SSH2: variants seen among roughly 807,000 people sequenced by gnomAD.
SSH2 encodes slingshot protein phosphatase 2, also known as protein phosphatase Slingshot homolog 2.
A neutral mutation model predicts 135.2 loss-of-function variants in SSH2; 37 were observed. That is an observed-to-expected ratio of 0.27 (90% CI 0.21 to 0.36). The LOEUF is 0.36. SSH2 is among the 10% of genes least tolerant of loss of function. The pLI is 1.00. For missense variants in SSH2, 1,408 were observed against 1,765.3 expected (o/e 0.80, Z 3.63); for synonymous variants, 628 against 646.2 (o/e 0.97, Z 0.43).
rs906497232 is a variant in SSH2 at position 29,801,676 on chromosome 17, A to T, written c.145-7739T>A. Among the ~76,000 whole-genome samples, 6 of 152,192 alleles carry T rather than the reference A, an allele frequency of 3.9e-5. No homozygotes were observed. In the South Asian group the frequency reaches 1.2e-3, roughly 31 times the overall value. ...CAACTGGGTACTTGTTTTATCTCCC[A>T]TCATCAGATTGTAATCTCCTTAAGG... On this transcript the variant is annotated intron_variant, in intron 2 of 15. Transcript: ENST00000540801.
At chr17:29,863,444 G>A (rs1205394304) in intron 1 of SSH2, 1 of 152,212 alleles carries the variant, frequency 6.6e-6, no homozygotes, top group Non-Finnish European at 1.5e-5. Flanking sequence ...GGACAAGTCT[G>A]CTGTGGCTTG....
At chr17:29,702,171 G>T (rs1357746864) in intron 4 of SSH2, among the ~76,000 whole-genome samples, 1 of 151,964 alleles carries the variant, frequency 6.6e-6, no homozygotes, top group Non-Finnish European at 1.5e-5. Flanking sequence ...TAGCCAACAT[G>T]GTGAAACACC....
chr17:29,781,791 T>TA (rs1358362913), intron 3 of SSH2, among the ~76,000 whole-genome samples: 1 of 151,580 alleles, frequency 6.6e-6, no homozygotes, highest in African/African-American at 2.4e-5. Context: ...TAACTTTTTT[T>TA]CTTTTCTCTT....
At chr17:29,756,094 C>T (rs2041108965) in intron 3 of SSH2, among the ~76,000 whole-genome samples, 1 of 150,946 alleles carries the variant, frequency 6.6e-6, no homozygotes, top group Non-Finnish European at 1.5e-5. Context: ...GGGGAAACCC[C>T]GTCTCTACTA....
chr17:29,854,218 G>A (rs1372152737), intron 1 of SSH2, among the ~76,000 whole-genome samples: 2 of 151,874 alleles, frequency 1.3e-5, no homozygotes, highest in Non-Finnish European at 2.9e-5. Flanking sequence ...AGCTCACAAT[G>A]AGTCATTCAT....
chr17:29,750,963 A>G (rs2040920071), intron 3 of SSH2, among the ~76,000 whole-genome samples: 1 of 152,154 alleles, frequency 6.6e-6, no homozygotes, highest in African/African-American at 2.4e-5. Context: ...CATCAAGATC[A>G]TTGTTTTCCA....
intron 2 of SSH2, among the ~76,000 whole-genome samples, chr17:29,815,543 G>A (rs573028131): frequency 1.3e-5 from 2 of 152,324 alleles, no homozygotes; most frequent in Middle Eastern, 3.4e-3. Context: ...TTACAGGCAT[G>A]AGCCACTGTG....
At chr17:29,841,025 T>G (rs551238976) in intron 2 of SSH2, among the ~76,000 whole-genome samples, 2 of 152,270 alleles carry the variant, frequency 1.3e-5, no homozygotes, top group Non-Finnish European at 2.9e-5. Context: ...CATAGCCTGA[T>G]AGCCACATCA....
chr17:29,913,380 A>ATATC, intron 1 of SSH2, among the ~76,000 whole-genome samples: 1 of 100,810 alleles, frequency 9.9e-6, no homozygotes, highest in Non-Finnish European at 2.0e-5. Flanking sequence ...ATATATATAT[A>ATATC]TATCCAATTT....
chr17:29,761,045 C>G (rs1321991239), intron 3 of SSH2: 1 of 1,173,508 alleles, frequency 8.5e-7, no homozygotes, highest in Non-Finnish European at 1.1e-6. Context: ...GATGCGCGCT[C>G]GCCCTCGCTT....
At position 29,907,034 on chromosome 17, in the gene SSH2, T is replaced by C. The variant is rs542465237; in HGVS notation, c.63+22904A>G. ...TGGTATATACCCAGAGGAATATAAGTCATTCTGTTATAAAGATACATGCAC... is the reference window on the plus strand; with the variant it reads ...TGGTATATACCCAGAGGAATATAAGCCATTCTGTTATAAAGATACATGCAC... On this transcript the variant is annotated intron_variant, in intron 1 of 15. Transcript: ENST00000540801. Among the ~76,000 whole-genome samples the C allele has an allele frequency of 4.6e-5, 7 of 152,284 alleles. No homozygotes were observed. In the East Asian group the frequency reaches 1.4e-3, roughly 29 times the overall value.
At chr17:29,889,542 A>G (rs1011681150) in intron 1 of SSH2, among the ~76,000 whole-genome samples, 1 of 152,126 alleles carries the variant, frequency 6.6e-6, no homozygotes, top group African/African-American at 2.4e-5. Flanking sequence ...CTATGACACC[A>G]AAAGCATGAA....
chr17:29,686,713 G>T (rs568799267), intron 5 of SSH2, among the ~76,000 whole-genome samples: 10 of 151,880 alleles, frequency 6.6e-5, no homozygotes, highest in African/African-American at 2.4e-4. Flanking sequence ...CTGTCACCCA[G>T]GCTGGAGTGC....
At chr17:29,716,644 G>A in intron 3 of SSH2, 2 of 662,468 alleles carry the variant, frequency 3.0e-6, no homozygotes, top group Non-Finnish European at 5.6e-6. Flanking sequence ...AAGACCTAGA[G>A]AACATATATC....
At position 29,930,059 on chromosome 17, in the gene SSH2, A is replaced by G. The variant is rs1597536457; in HGVS notation, c.-59T>C. 6.0e-6 allele frequency: 2 copies of G among 332,098 alleles called. No individual in the cohort carries two copies. Among genetic ancestry groups the G allele is most frequent in the African/African-American group, 4.2e-5 (1 of 24,096 alleles). 20.6% of individuals were successfully genotyped at this position (332,098 alleles called of 1,614,324 possible). Reference sequence around the variant, plus strand: ...TCTTGTCCTGAGTGTGGGGGACGGGAGGGTGACGGAGCCGGGATGGGGAAA... The same window carrying G: ...TCTTGTCCTGAGTGTGGGGGACGGGGGGGTGACGGAGCCGGGATGGGGAAA... On this transcript the variant is annotated 5_prime_UTR_variant, in exon 1 of 16. Transcript: ENST00000540801.
intron 5 of SSH2, among the ~76,000 whole-genome samples, chr17:29,693,051 C>A (rs2038555677): frequency 1.3e-5 from 2 of 152,016 alleles, no homozygotes; most frequent in Admixed American, 1.3e-4. Context: ...CCTTGACCTG[C>A]CAGGCTCAAG....
chr17:29,695,339 T>A, intron 5 of SSH2, 120 bp downstream of exon 5: 1 of 664,878 alleles, frequency 1.5e-6, no homozygotes, highest in Non-Finnish European at 2.5e-6. Context: ...CTCCACATTA[T>A]CTTCTCTCTT....
intron 2 of SSH2, among the ~76,000 whole-genome samples, chr17:29,814,055 G>C (rs900031336): frequency 2.1e-5 from 3 of 144,158 alleles, no homozygotes; most frequent in Non-Finnish European, 4.6e-5. Context: ...GCGTGAACCT[G>C]GGAGGCGGAG....
intron 3 of SSH2, among the ~76,000 whole-genome samples, chr17:29,723,894 C>T (rs941139993): frequency 6.6e-6 from 1 of 152,166 alleles, no homozygotes; most frequent in African/African-American, 2.4e-5. Flanking sequence ...TTGAACTTCC[C>T]TTTTCTGAGA....
Sources: allele counts gnomAD v4.1 joint callset (sites outside exome capture counted in the v4.1 genomes callset), GRCh38; gene constraint gnomAD v4.1.1; transcripts MANE v1.5; gene names NCBI Gene and HGNC (gene_info 2026-07-23, HGNC 2026-07-21).